Variants in PPP6C observed in about 807,000 individuals in gnomAD.
PPP6C encodes the protein serine/threonine-protein phosphatase 6 catalytic subunit.
PPP6C carries 11 observed loss-of-function variants against 39.8 expected under a neutral mutation model. That is an observed-to-expected ratio of 0.28 (90% confidence interval 0.17 to 0.46). PPP6C has a LOEUF of 0.46. Among genes scored for constraint, PPP6C ranks in the 20% least tolerant of loss-of-function variants. The probability of loss-of-function intolerance (pLI) is 1.00; values close to 1 mark genes in which losing one functional copy is unlikely to be tolerated. For synonymous variants in PPP6C, 129 were observed against 130.3 expected, an observed-to-expected ratio of 0.99 and a Z score of 0.07; for missense variants, 211 against 373.9, an observed-to-expected ratio of 0.56 and a Z score of 3.59.
At chr9:125,183,829 T>C (rs1392280039) in intron 1 of PPP6C, among the ~76,000 whole-genome samples, 36 of 152,210 alleles carry the variant, frequency 2.4e-4, no homozygotes, top group Admixed American at 2.2e-3. Context: ...AACACCCTGG[T>C]CAGCCTCTAT....
At chr9:125,184,270 C>T (rs1191431807) in intron 1 of PPP6C, among the ~76,000 whole-genome samples, 2 of 152,068 alleles carry the variant, frequency 1.3e-5, no homozygotes, top group African/African-American at 2.4e-5. Flanking sequence ...CATCTGTAGT[C>T]CCAGCTACTT....
intron 2 of PPP6C, among the ~76,000 whole-genome samples, chr9:125,163,051 C>A (rs1828922130): frequency 6.6e-6 from 1 of 151,966 alleles, no homozygotes; most frequent in African/African-American, 2.4e-5. Context: ...TGCATTCCAG[C>A]CTGGATGACA....
At chr9:125,156,614 A>C (rs1337839523) in intron 4 of PPP6C, among the ~76,000 whole-genome samples, 2 of 152,166 alleles carry the variant, frequency 1.3e-5, no homozygotes, top group African/African-American at 4.8e-5. Flanking sequence ...AAAATATAAA[A>C]TTTAAATCTA....
Position 125,156,463 on chromosome 9 carries a change from G to A in PPP6C, c.379+1778C>T, listed in dbSNP as rs772379986. Among the ~76,000 whole-genome samples the A allele has an allele frequency of 6.6e-5, 10 of 152,154 alleles. No homozygotes were observed. The South Asian group carries it at 1.2e-3, about 19-fold the overall frequency. On this transcript the variant is annotated intron_variant, in intron 4 of 6. Transcript: ENST00000373547. ...TAATTTTTGTATTTTAAGTAGAGAC[G>A]GGGTTTCACCATGTTGGCCAAGATG...
chr9:125,155,297 A>C (rs1363411801), intron 4 of PPP6C, among the ~76,000 whole-genome samples: 2 of 152,142 alleles, frequency 1.3e-5, no homozygotes, highest in Non-Finnish European at 2.9e-5. Context: ...AAAAAAAAAA[A>C]CCTGACATAT....
intron 1 of PPP6C, 52 bp downstream of exon 1, chr9:125,189,592 G>C: frequency 6.2e-7 from 1 of 1,609,084 alleles, no homozygotes; most frequent in Non-Finnish European, 8.5e-7. Context: ...AGGAAGGGCC[G>C]GCCGGCGGGC....
At position 125,172,107 on chromosome 9, in the gene PPP6C, C is replaced by T. The variant is rs62580613; in HGVS notation, c.76-927G>A. The T allele has an allele frequency of 3.4e-3, 1,219 of 357,888 alleles. 5 individuals are homozygous for T. The highest frequency in any genetic ancestry group is 5.9e-3 in the Admixed American group (154 of 26,260). 22.2% of individuals were successfully genotyped at this position (357,888 alleles called of 1,614,324 possible). ...CAATAAAAAGAAACGAATACTGCCACACAACAACCTGGATTCATCTCAAGG... is the reference window on the plus strand; with the variant it reads ...CAATAAAAAGAAACGAATACTGCCATACAACAACCTGGATTCATCTCAAGG... On this transcript the variant is annotated intron_variant, in intron 1 of 6. Transcript: ENST00000373547.
At chr9:125,156,839 G>C (rs1382771601) in intron 4 of PPP6C, among the ~76,000 whole-genome samples, 1 of 151,228 alleles carries the variant, frequency 6.6e-6, no homozygotes, top group Non-Finnish European at 1.5e-5. Flanking sequence ...TTGAGACAGA[G>C]TCTGGCTCAG....
At chr9:125,172,453 C>A (rs761980856) in intron 1 of PPP6C, among the ~76,000 whole-genome samples, 1 of 152,046 alleles carries the variant, frequency 6.6e-6, no homozygotes, top group African/African-American at 2.4e-5. Context: ...GTGATCTGCC[C>A]GCTTCGGCCT....
At chr9:125,189,182 A>C (rs922099528) in intron 1 of PPP6C, among the ~76,000 whole-genome samples, 1 of 152,176 alleles carries the variant, frequency 6.6e-6, no homozygotes, top group Non-Finnish European at 1.5e-5. Context: ...TCAGAGACCT[A>C]AACACACTGA....
intron 6 of PPP6C, among the ~76,000 whole-genome samples, 155 bp from the exon 7 acceptor site, chr9:125,150,076 C>A (rs1455994092): frequency 6.6e-6 from 1 of 152,150 alleles, no homozygotes; most frequent in Non-Finnish European, 1.5e-5. Flanking sequence ...TAAGTTTAGG[C>A]AAACAGCAAT....
intron 1 of PPP6C, among the ~76,000 whole-genome samples, chr9:125,182,517 A>G (rs1429991464): frequency 2.0e-5 from 3 of 152,094 alleles, no homozygotes; most frequent in Non-Finnish European, 4.4e-5. Context: ...TATCTAGCTA[A>G]CATTATATTT....
intron 1 of PPP6C, among the ~76,000 whole-genome samples, chr9:125,171,468 C>T (rs10986604): frequency 0.41 from 29,237 of 71,258 alleles, 3,937 homozygotes; most frequent in Non-Finnish European, 0.47. Context: ...TATACACACA[C>T]ACACACACAC....
chr9:125,174,270 TACA>T (rs1403954050), intron 1 of PPP6C, among the ~76,000 whole-genome samples: 6 of 151,910 alleles, frequency 3.9e-5, no homozygotes, highest in Non-Finnish European at 8.8e-5. Context: ...CAGTTACAGC[TACA>T]ACAATAGCTA....
chr9:125,169,462 G>C (rs2019931), intron 2 of PPP6C, among the ~76,000 whole-genome samples: 2,305 of 152,298 alleles, frequency 0.015, 109 homozygotes, highest in Admixed American at 0.082. Context: ...ATCTTAAAAA[G>C]TCTACAACTG....
intron 1 of PPP6C, among the ~76,000 whole-genome samples, chr9:125,184,115 C>T (rs780464430): frequency 2.6e-5 from 4 of 152,060 alleles, no homozygotes; most frequent in South Asian, 4.1e-4. Context: ...TTGCCAGGCG[C>T]GGTGGCTAAC....
intron 1 of PPP6C, among the ~76,000 whole-genome samples, chr9:125,173,102 C>G (rs1261030906): frequency 6.6e-6 from 1 of 151,936 alleles, no homozygotes; most frequent in Non-Finnish European, 1.5e-5. Context: ...CATGGCAAAA[C>G]CCCCTATCTC....
At chr9:125,177,673 C>A (rs1829332647) in intron 1 of PPP6C, among the ~76,000 whole-genome samples, 1 of 152,190 alleles carries the variant, frequency 6.6e-6, no homozygotes, top group Admixed American at 6.5e-5. Context: ...CATACACTGA[C>A]ATATCATTAT....
In PPP6C at chr9:125,148,690, T is replaced by C. The variant is rs1835864330; in HGVS notation, c.*983A>G. 1 of 152,190 alleles carries C rather than the reference T, an allele frequency of 6.6e-6. No individual in the cohort carries two copies. Among genetic ancestry groups the C allele is most frequent in the African/African-American group, 2.4e-5 (1 of 41,462 alleles). The allele number at this position is 152,190 out of a possible 1,614,324, so 9.4% of individuals were successfully genotyped here. A position where few individuals can be genotyped will look rare whatever the true frequency, so the allele number is the denominator to read the frequency against. On this transcript the variant is annotated 3_prime_UTR_variant, in exon 7 of 7. Coordinates refer to ENST00000373547, the MANE Select transcript of PPP6C (RefSeq NM_002721.5). Reference sequence around the variant, plus strand: ...AAAGCACATAGATTTTAGTTAATAATACTCATGATAGATTGTAAACTGGAT... The same window carrying C: ...AAAGCACATAGATTTTAGTTAATAACACTCATGATAGATTGTAAACTGGAT...
Sources: allele counts gnomAD v4.1 joint callset (sites outside exome capture counted in the v4.1 genomes callset), GRCh38; gene constraint gnomAD v4.1.1; transcripts MANE v1.5; gene names NCBI Gene and HGNC (gene_info 2026-07-23, HGNC 2026-07-21).